The following SGCZ variants were observed in gnomAD, a reference collection of about 807,000 sequenced individuals.
SGCZ encodes zeta-sarcoglycan.
Under a neutral mutation model 41.3 loss-of-function variants are expected in SGCZ, and 40 were observed. The observed-to-expected ratio is 0.97, with a 90% CI of 0.75 to 1.26. The LOEUF (loss-of-function observed/expected upper bound fraction) is 1.26. SGCZ is among the 50% of genes most tolerant of loss of function. The pLI is 0.00. For synonymous variants in SGCZ, 206 were observed against 137.5 expected, an observed-to-expected ratio of 1.50 and a Z score of -3.49; for missense variants, 552 against 369.8, an observed-to-expected ratio of 1.49 and a Z score of -4.04.
chr8:15,100,087 C>G (rs1470316054), intron 1 of SGCZ, among the ~76,000 whole-genome samples: 1 of 151,878 alleles, frequency 6.6e-6, no homozygotes, highest in African/African-American at 2.4e-5. Context: ...AACATTGTAC[C>G]AAAAGTCATA....
chr8:14,293,945 G>C (rs1001294896), intron 3 of SGCZ, among the ~76,000 whole-genome samples: 1 of 151,552 alleles, frequency 6.6e-6, no homozygotes, highest in Non-Finnish European at 1.5e-5. Flanking sequence ...ATCAAGTCAA[G>C]ACATACATAT....
At chr8:14,595,697 G>A (rs989711998) in intron 1 of SGCZ, among the ~76,000 whole-genome samples, 30 of 152,040 alleles carry the variant, frequency 2.0e-4, no homozygotes, top group Admixed American at 5.9e-4. Flanking sequence ...AACATCCTCT[G>A]CCCTGTCCTT....
intron 1 of SGCZ, among the ~76,000 whole-genome samples, chr8:15,208,004 A>C (rs1181722909): frequency 6.6e-6 from 1 of 152,176 alleles, no homozygotes; most frequent in Non-Finnish European, 1.5e-5. Context: ...ATTTCTCCAA[A>C]ATCTTAGAAA....
intron 1 of SGCZ, among the ~76,000 whole-genome samples, chr8:15,203,988 T>C (rs1800979860): frequency 6.6e-6 from 1 of 152,240 alleles, no homozygotes; most frequent in African/African-American, 2.4e-5. Flanking sequence ...CAATAAAACA[T>C]TTCTCATATT....
At chr8:14,593,606 G>C (rs1036466738) in intron 1 of SGCZ, among the ~76,000 whole-genome samples, 35 of 152,246 alleles carry the variant, frequency 2.3e-4, no homozygotes, top group Middle Eastern at 6.8e-3. Flanking sequence ...GAAGGTGTAA[G>C]TGTTTCCAAA....
chr8:15,077,035 GA>G (rs1468829945), intron 1 of SGCZ, among the ~76,000 whole-genome samples: 2 of 152,114 alleles, frequency 1.3e-5, no homozygotes, highest in African/African-American at 4.8e-5. Context: ...ACGCCAAAAG[GA>G]AAATGATTTG....
At chr8:14,529,845 A>T (rs1479352340) in intron 2 of SGCZ, among the ~76,000 whole-genome samples, 2 of 152,112 alleles carry the variant, frequency 1.3e-5, no homozygotes, top group Non-Finnish European at 2.9e-5. Flanking sequence ...AAGATAATAA[A>T]ATTTAAATAT....
At chr8:14,516,221 C>A (rs1802616468) in intron 2 of SGCZ, among the ~76,000 whole-genome samples, 1 of 151,700 alleles carries the variant, frequency 6.6e-6, no homozygotes, top group African/African-American at 2.4e-5. Context: ...ATCAGGTTTG[C>A]TGTACAGATT....
chr8:14,869,789 C>A (rs1804077941), intron 1 of SGCZ, among the ~76,000 whole-genome samples: 1 of 152,106 alleles, frequency 6.6e-6, no homozygotes. Context: ...TCCTATACAC[C>A]AACAATAGAC....
intron 1 of SGCZ, among the ~76,000 whole-genome samples, chr8:15,099,841 G>T (rs560326665): frequency 6.6e-6 from 1 of 152,024 alleles, no homozygotes; most frequent in Admixed American, 6.6e-5. Context: ...ACAGGCTAAA[G>T]AGGAAAAATT....
chr8:14,110,794 T>C (rs1421368446), intron 5 of SGCZ, among the ~76,000 whole-genome samples: 1 of 152,128 alleles, frequency 6.6e-6, no homozygotes, highest in Non-Finnish European at 1.5e-5. Flanking sequence ...GGCTCGTGCC[T>C]GGAATCCCAG....
At chr8:14,629,014 C>T (rs1333053688) in intron 1 of SGCZ, among the ~76,000 whole-genome samples, 1 of 152,076 alleles carries the variant, frequency 6.6e-6, no homozygotes, top group East Asian at 1.9e-4. Context: ...GCAAAAGAAC[C>T]AGCTGTGTTT....
At chr8:14,455,684 T>C (rs1475675447) in intron 2 of SGCZ, among the ~76,000 whole-genome samples, 2 of 152,198 alleles carry the variant, frequency 1.3e-5, no homozygotes, top group African/African-American at 4.8e-5. Flanking sequence ...AATCACAAAA[T>C]ATTAGAGGCA....
chr8:14,131,370 A>T (rs552553419), intron 5 of SGCZ, among the ~76,000 whole-genome samples: 1 of 152,270 alleles, frequency 6.6e-6, no homozygotes, highest in Non-Finnish European at 1.5e-5. Context: ...GTTTGTTATT[A>T]CCACTGCAAA....
At chr8:14,407,162 G>A (rs1799234675) in intron 2 of SGCZ, among the ~76,000 whole-genome samples, 1 of 148,472 alleles carries the variant, frequency 6.7e-6, no homozygotes, top group South Asian at 2.1e-4. Flanking sequence ...TCCACCTCCT[G>A]GGTTCAAGCT....
At chr8:14,601,128 T>C (rs1377558507) in intron 1 of SGCZ, among the ~76,000 whole-genome samples, 7 of 151,654 alleles carry the variant, frequency 4.6e-5, no homozygotes, top group Non-Finnish European at 1.0e-4. Flanking sequence ...TACAACTTGA[T>C]TATTTTTCTG....
chr8:14,267,032 T>C (rs1799894740), intron 3 of SGCZ, among the ~76,000 whole-genome samples: 1 of 152,136 alleles, frequency 6.6e-6, no homozygotes, highest in African/African-American at 2.4e-5. Context: ...TATCATCTTA[T>C]GTTTTTACAG....
chr8:14,331,643 TATAA>T lies in SGCZ; in HGVS notation c.235-7443_235-7440del, dbSNP rs1267234962. ...CATTTTTATAGATTGCTGTTAATAATATAACTTTTACCATCCTGAATATGATTTA... is the reference window on the plus strand; with the variant it reads ...CATTTTTATAGATTGCTGTTAATAATCTTTTACCATCCTGAATATGATTTA... On this transcript the variant is annotated intron_variant, in intron 2 of 7. Coordinates refer to ENST00000382080, the MANE Select transcript of SGCZ (RefSeq NM_139167.4). Among the ~76,000 whole-genome samples, 3 of 151,970 alleles carry T rather than the reference TATAA, an allele frequency of 2.0e-5. No homozygotes were observed. In the East Asian group the frequency reaches 6.1e-4, roughly 31 times the overall value.
chr8:14,167,434 T>C (rs1804243225), intron 4 of SGCZ, among the ~76,000 whole-genome samples: 1 of 152,268 alleles, frequency 6.6e-6, no homozygotes, highest in East Asian at 1.9e-4. Context: ...GATGGGATTA[T>C]CTGGGTAGTG....
Sources: gnomAD v4.1 joint callset for allele counts (sites outside exome capture counted in the v4.1 genomes callset) on GRCh38, gnomAD v4.1.1 for gene constraint, MANE v1.5 for transcripts, NCBI Gene and HGNC (gene_info 2026-07-23, HGNC 2026-07-21) for gene names.